Variants in AGBL4 observed in about 807,000 individuals in gnomAD.
The protein encoded by AGBL4 is AGBL carboxypeptidase 4.
A neutral mutation model predicts 66.4 loss-of-function variants in AGBL4; 58 were observed. That is an observed-to-expected ratio of 0.87 (90% CI 0.71 to 1.09). AGBL4 has a LOEUF of 1.09. Among genes scored for constraint, AGBL4 ranks in the 50% least tolerant of loss-of-function variants. The pLI, the probability that AGBL4 is intolerant of heterozygous loss-of-function variation, is 0.00. For synonymous variants in AGBL4, 234 were observed against 222.9 expected (o/e 1.05, Z -0.44); for missense variants, 579 against 631.0 (o/e 0.92, Z 0.88).
At chr1:50,012,243 A>G (rs1361024109) in intron 1 of AGBL4, among the ~76,000 whole-genome samples, 1 of 152,084 alleles carries the variant, frequency 6.6e-6, no homozygotes, top group African/African-American at 2.4e-5. Context: ...GGATTGAAAA[A>G]AAAATAGAAT....
At chr1:49,560,601 G>T (rs945727008) in intron 3 of AGBL4, among the ~76,000 whole-genome samples, 2 of 152,080 alleles carry the variant, frequency 1.3e-5, no homozygotes, top group Non-Finnish European at 2.9e-5. Context: ...AGATATCAAC[G>T]TCCAAGTACA....
At position 48,587,138 on chromosome 1, in the gene AGBL4, A is replaced by AT; in HGVS notation, c.1132_1133insA (p.Val378AspfsTer43). 1 of 1,559,036 alleles carries AT rather than the reference A, an allele frequency of 6.4e-7. No homozygotes were observed. The highest frequency in any genetic ancestry group is 8.7e-7 in the Non-Finnish European group (1 of 1,151,456). ...GAAGCGACGGCCAGTTCCTGCTTTCACAGCGTCCCGGTTAAAGGATGTGCT... is the reference window on the plus strand; with the variant it reads ...GAAGCGACGGCCAGTTCCTGCTTTCATCAGCGTCCCGGTTAAAGGATGTGCT... On this transcript the variant is annotated frameshift_variant, in exon 11 of 14. Transcript: ENST00000371839. LOFTEE classifies it high-confidence loss of function.
intron 2 of AGBL4, among the ~76,000 whole-genome samples, chr1:49,769,857 C>G (rs1039727772): frequency 3.9e-5 from 6 of 152,086 alleles, no homozygotes; most frequent in Non-Finnish European, 8.8e-5. Context: ...TATAAAAATT[C>G]TAATAGAAGA....
At chr1:49,386,117 T>C (rs2148584023) in intron 3 of AGBL4, among the ~76,000 whole-genome samples, 1 of 152,136 alleles carries the variant, frequency 6.6e-6, no homozygotes, top group African/African-American at 2.4e-5. Flanking sequence ...ACATTCGTAT[T>C]CTTTGACCCC....
chr1:49,515,372 A>G (rs570687481), intron 3 of AGBL4, among the ~76,000 whole-genome samples: 1 of 152,270 alleles, frequency 6.6e-6, no homozygotes, highest in South Asian at 2.1e-4. Context: ...GGACATCATT[A>G]AAAAGTCAGG....
chr1:49,352,524 G>T (rs1312899479), intron 3 of AGBL4, among the ~76,000 whole-genome samples: 2 of 151,774 alleles, frequency 1.3e-5, no homozygotes, highest in African/African-American at 4.8e-5. Flanking sequence ...AGTTTTAAAG[G>T]CCCCCCCTCC....
chr1:49,993,136 T>C (rs546436127), intron 1 of AGBL4, among the ~76,000 whole-genome samples: 1 of 152,330 alleles, frequency 6.6e-6, no homozygotes, highest in East Asian at 1.9e-4. Flanking sequence ...CACTGATGAA[T>C]AAAGCAAATA....
chr1:48,917,769 A>G (rs1381724565), intron 5 of AGBL4, among the ~76,000 whole-genome samples: 1 of 152,224 alleles, frequency 6.6e-6, no homozygotes, highest in Non-Finnish European at 1.5e-5. Flanking sequence ...CTAAGGTCAT[A>G]CAGCTAGTAC....
intron 3 of AGBL4, among the ~76,000 whole-genome samples, chr1:49,490,840 C>A (rs1647172430): frequency 6.6e-6 from 1 of 151,414 alleles, no homozygotes; most frequent in South Asian, 2.1e-4. Flanking sequence ...AAAGAAAACA[C>A]AATAAAAACA....
chr1:49,761,626 T>A (rs1652324008), intron 2 of AGBL4, among the ~76,000 whole-genome samples: 1 of 152,216 alleles, frequency 6.6e-6, no homozygotes, highest in Non-Finnish European at 1.5e-5. Context: ...TTCTGATAAA[T>A]ATATGTTGCA....
intron 4 of AGBL4, among the ~76,000 whole-genome samples, chr1:49,225,365 T>C (rs1444498920): frequency 6.6e-6 from 1 of 152,220 alleles, no homozygotes; most frequent in East Asian, 1.9e-4. Flanking sequence ...CTCTGCTCAA[T>C]ATCTCATTCT....
intron 3 of AGBL4, among the ~76,000 whole-genome samples, chr1:49,498,766 T>A (rs1647848475): frequency 2.0e-5 from 3 of 151,998 alleles, no homozygotes; most frequent in Admixed American, 2.0e-4. Context: ...TTGTTGATGG[T>A]GTTTATCATG....
intron 1 of AGBL4, among the ~76,000 whole-genome samples, chr1:50,020,063 A>C (rs1262439967): frequency 1.3e-5 from 2 of 152,116 alleles, no homozygotes; most frequent in Non-Finnish European, 2.9e-5. Flanking sequence ...AAGCATGCTT[A>C]AGATATCTTA....
At chr1:48,975,552 C>T in intron 5 of AGBL4, among the ~76,000 whole-genome samples, 1 of 152,076 alleles carries the variant, frequency 6.6e-6, no homozygotes, top group East Asian at 1.9e-4. Context: ...AAAGATGAAA[C>T]ATCTGACTCT....
chr1:49,150,445 G>GA (rs562340684), intron 4 of AGBL4, among the ~76,000 whole-genome samples: 3 of 151,974 alleles, frequency 2.0e-5, no homozygotes, highest in Non-Finnish European at 4.4e-5. Flanking sequence ...AAAATGCATA[G>GA]AAAAAAAGAC....
intron 2 of AGBL4, among the ~76,000 whole-genome samples, chr1:49,716,006 T>G (rs186892143): frequency 6.1e-4 from 93 of 152,324 alleles, no homozygotes; most frequent in East Asian, 3.3e-3. Context: ...TTTTGGTGTT[T>G]TAGTCATGAA....
chr1:50,021,277 A>G (rs576649380), intron 1 of AGBL4, among the ~76,000 whole-genome samples: 1 of 152,190 alleles, frequency 6.6e-6, no homozygotes, highest in Non-Finnish European at 1.5e-5. Context: ...TCAACACTTC[A>G]TCCCAGGCCT....
chr1:49,177,189 T>C (rs934197525), intron 4 of AGBL4, among the ~76,000 whole-genome samples: 6 of 151,982 alleles, frequency 3.9e-5, no homozygotes, highest in African/African-American at 1.5e-4. Context: ...CTTAGTCGAG[T>C]CATTTTGCCT....
At chr1:48,630,508 A>T (rs1398131848) in intron 9 of AGBL4, among the ~76,000 whole-genome samples, 1 of 150,878 alleles carries the variant, frequency 6.6e-6, no homozygotes, top group Non-Finnish European at 1.5e-5. Context: ...ATCATGCAAG[A>T]CTCCTTCCTC....
Sources: allele counts gnomAD v4.1 joint callset (sites outside exome capture counted in the v4.1 genomes callset), GRCh38; gene constraint gnomAD v4.1.1; transcripts MANE v1.5; gene names NCBI Gene and HGNC (gene_info 2026-07-23, HGNC 2026-07-21).